The following SPATC1L variants were observed in gnomAD, a reference collection of about 807,000 sequenced individuals.
SPATC1L encodes the protein speriolin-like protein.
SPATC1L carries 20 observed loss-of-function variants against 21.2 expected under a neutral mutation model. That is an observed-to-expected ratio of 0.94 (90% CI 0.66 to 1.37). The LOEUF (loss-of-function observed/expected upper bound fraction) is 1.37. SPATC1L is among the 40% of genes most tolerant of loss of function. The pLI is 0.00. For synonymous variants in SPATC1L, 290 were observed against 234.5 expected, an observed-to-expected ratio of 1.24 and a Z score of -2.16; for missense variants, 499 against 478.7, an observed-to-expected ratio of 1.04 and a Z score of -0.40.
At chr21:46,170,168 T>TC (rs2079574728) in intron 2 of SPATC1L, among the ~76,000 whole-genome samples, 2 of 119,460 alleles carry the variant, frequency 1.7e-5, no homozygotes, top group Non-Finnish European at 1.7e-5. Context: ...GGGAGGAGCC[T>TC]CCTGCTCTGT....
chr21:46,182,335 C>T (rs67381056), intron 2 of SPATC1L, among the ~76,000 whole-genome samples: 39,579 of 152,224 alleles, frequency 0.26, 5,873 homozygotes, highest in Admixed American at 0.38. Flanking sequence ...CAAGCCTGCG[C>T]GCCACCTGCT....
intron 2 of SPATC1L, among the ~76,000 whole-genome samples, chr21:46,170,143 C>T (rs569288878): frequency 1.1e-4 from 12 of 108,496 alleles, no homozygotes; most frequent in African/African-American, 5.4e-4. Context: ...GCTCTGTGAG[C>T]ATCCTCTGTG....
Position 46,182,883 on chromosome 21 carries a change from G to A in SPATC1L, c.-67C>T, listed in dbSNP as rs954957061. Reference sequence around the variant, plus strand: ...CCATGGAGGTGGGAGCCCAGAGCCCGCAGGCACCACAGAAACAGCCCAGGC... The same window carrying A: ...CCATGGAGGTGGGAGCCCAGAGCCCACAGGCACCACAGAAACAGCCCAGGC... On this transcript the variant is annotated 5_prime_UTR_variant, in exon 2 of 5. Coordinates refer to ENST00000291672, the MANE Select transcript of SPATC1L (RefSeq NM_001142854.2). 42 of 1,422,138 alleles carry A rather than the reference G, an allele frequency of 3.0e-5. No individual in the cohort carries two copies. The highest frequency in any genetic ancestry group is 7.7e-5 in the Admixed American group (3 of 38,916). The allele number at this position is 1,422,138 out of a possible 1,614,324, so 88.1% of individuals were successfully genotyped here. A position where few individuals can be genotyped will look rare whatever the true frequency, so the allele number is the denominator to read the frequency against.
At chr21:46,168,281 C>A in intron 3 of SPATC1L, 27 bp downstream of exon 3, 1 of 1,508,076 alleles carries the variant, frequency 6.6e-7, no homozygotes, top group East Asian at 2.3e-5. Context: ...TGGGGGCCCC[C>A]CCAGGTGCCC....
In SPATC1L at chr21:46,182,737, T is replaced by G. The variant is rs1366514641; in HGVS notation, c.80A>C (p.Glu27Ala). 5.8e-6 allele frequency: 9 copies of G among 1,547,880 alleles called. No homozygotes were observed. In the South Asian group the frequency reaches 1.1e-4, roughly 18 times the overall value. Residue 27 changes from glutamate to alanine, a missense_variant, in exon 2 of 5, where the codon GAG becomes GCG. Transcript: ENST00000291672. Reference protein sequence around the residue: ...DLKKQVRLLKENQMLRRLLSQ... With the variant: ...DLKKQVRLLKANQMLRRLLSQ... ...GAGCAGCCGCCGCAGCATCTGATTC[T>G]CCTTCAGGAGGCGCACCTGCTTCTT... is the stretch of plus-strand genomic sequence containing the variant.
intron 2 of SPATC1L, among the ~76,000 whole-genome samples, chr21:46,172,283 T>G (rs2079599752): frequency 1.4e-5 from 2 of 141,770 alleles, no homozygotes; most frequent in African/African-American, 2.7e-5. Context: ...GAGGCAGGGG[T>G]GTGTGCAGAG....
At chr21:46,176,447 T>C (rs776915727) in intron 2 of SPATC1L, among the ~76,000 whole-genome samples, 28 of 152,120 alleles carry the variant, frequency 1.8e-4, no homozygotes, top group South Asian at 8.3e-4. Context: ...GGATACAAAA[T>C]GAATGTGCAA....
intron 2 of SPATC1L, among the ~76,000 whole-genome samples, chr21:46,176,329 G>A (rs1320309430): frequency 6.6e-6 from 1 of 152,150 alleles, no homozygotes; most frequent in East Asian, 1.9e-4. Context: ...AATAGAAAGA[G>A]AGGAAATCAA....
chr21:46,172,027 G>A (rs1260589331), intron 2 of SPATC1L, among the ~76,000 whole-genome samples: 4 of 99,642 alleles, frequency 4.0e-5, no homozygotes, highest in Non-Finnish European at 6.6e-5. Flanking sequence ...CACACAGCAC[G>A]AGGCAGGAGT....
intron 3 of SPATC1L, among the ~76,000 whole-genome samples, chr21:46,166,554 A>G (rs2079541599): frequency 6.6e-6 from 1 of 152,190 alleles, no homozygotes; most frequent in Non-Finnish European, 1.5e-5. Flanking sequence ...GCCTATAAAG[A>G]CTCACACAGA....
chr21:46,168,104 T>A (rs985148722), intron 3 of SPATC1L, among the ~76,000 whole-genome samples: 7 of 152,172 alleles, frequency 4.6e-5, no homozygotes, highest in Non-Finnish European at 8.8e-5. Context: ...AAGAAGAAGA[T>A]AAGCAACCCA....
At chr21:46,167,926 A>C (rs1349913620) in intron 3 of SPATC1L, among the ~76,000 whole-genome samples, 1 of 152,240 alleles carries the variant, frequency 6.6e-6, no homozygotes, top group South Asian at 2.1e-4. Flanking sequence ...AAAGCATAAA[A>C]TACAAAAGAA....
chr21:46,161,876 C>T, intron 4 of SPATC1L, 40 bp downstream of exon 4: 1 of 1,593,276 alleles, frequency 6.3e-7, no homozygotes, highest in Non-Finnish European at 8.5e-7. Flanking sequence ...GGACCGAGCG[C>T]CCCGCACCCT....
At chr21:46,179,262 T>C (rs8133866) in intron 2 of SPATC1L, among the ~76,000 whole-genome samples, 46,148 of 151,162 alleles carry the variant, frequency 0.31, 9,224 homozygotes, top group African/African-American at 0.56. Flanking sequence ...AAAAACATAA[T>C]GGGCCAGGCA....
rs767798726 is a variant in SPATC1L, at chr21:46,161,331, T to G, written c.*48A>C. ...GCGCAGGAGGCACCGCGGCCCCGGG[T>G]TGGAACAAACGCGTTTACTGCAGGC... On this transcript the variant is annotated 3_prime_UTR_variant, in exon 5 of 5. Transcript: ENST00000291672. The G allele has an allele frequency of 1.6e-5, 23 of 1,448,158 alleles. No individual in the cohort carries two copies. The African/African-American group carries it at 2.5e-4, about 15-fold the overall frequency. 89.7% of individuals were successfully genotyped at this position (1,448,158 alleles called of 1,614,324 possible).
intron 3 of SPATC1L, among the ~76,000 whole-genome samples, chr21:46,163,784 T>G (rs2079520220): frequency 6.6e-6 from 1 of 152,218 alleles, no homozygotes; most frequent in African/African-American, 2.4e-5. Flanking sequence ...TCCCTCAATG[T>G]TCTCCTTTTT....
rs912307813 is a variant in SPATC1L, at chr21:46,182,882, C to G, written c.-66G>C. On this transcript the variant is annotated 5_prime_UTR_variant, in exon 2 of 5. Transcript: ENST00000291672. ...CCCATGGAGGTGGGAGCCCAGAGCCCGCAGGCACCACAGAAACAGCCCAGG... is the reference window on the plus strand; with the variant it reads ...CCCATGGAGGTGGGAGCCCAGAGCCGGCAGGCACCACAGAAACAGCCCAGG... The G allele has an allele frequency of 1.4e-6, 2 of 1,426,470 alleles. No homozygotes were observed. Among genetic ancestry groups the G allele is most frequent in the African/African-American group, 2.9e-5 (2 of 69,258 alleles). The allele number at this position is 1,426,470 out of a possible 1,614,324, so 88.4% of individuals were successfully genotyped here. A position where few individuals can be genotyped will look rare whatever the true frequency, so the allele number is the denominator to read the frequency against.
chr21:46,164,267 C>T (rs1322121564), intron 3 of SPATC1L, among the ~76,000 whole-genome samples: 1 of 152,120 alleles, frequency 6.6e-6, no homozygotes, highest in Non-Finnish European at 1.5e-5. Flanking sequence ...CCCATCTCAG[C>T]CTTCCAAAAT....
chr21:46,161,981 C>A lies in SPATC1L; in HGVS notation c.631G>T (p.Val211Leu). 6.2e-7 allele frequency: 1 copy of A among 1,607,462 alleles called. No individual in the cohort carries two copies. Among genetic ancestry groups the A allele is most frequent in the Non-Finnish European group, 8.5e-7 (1 of 1,178,864 alleles). The change falls in exon 4 of 5, where the codon GTG (valine) becomes TTG (leucine). Residue 211 changes from valine to leucine, a missense_variant. By Grantham distance (32) the Val-to-Leu change is conservative (BLOSUM62 1). Coordinates refer to ENST00000291672, the MANE Select transcript of SPATC1L (RefSeq NM_001142854.2). ...TAGAGCCGCGTCACGCCCGGGAACA[C>A]GTAGGCCAGGATGCGGCGGTCCAGC... ...FQLDRRILAY[V>L]FPGVTRLYGF...
Sources: allele counts gnomAD v4.1 joint callset (sites outside exome capture counted in the v4.1 genomes callset), GRCh38; gene constraint gnomAD v4.1.1; transcripts MANE v1.5; gene names NCBI Gene and HGNC (gene_info 2026-07-23, HGNC 2026-07-21).